STK3: variants seen among roughly 807,000 people sequenced by gnomAD.
The protein encoded by STK3 is serine/threonine kinase 3, also known as serine/threonine-protein kinase 3.
Under a neutral mutation model 58.0 loss-of-function variants are expected in STK3, and 41 were observed. The ratio of observed to expected loss-of-function variants is 0.71; its 90% CI spans 0.55 to 0.92. The LOEUF (loss-of-function observed/expected upper bound fraction) is 0.92, where lower values mean the gene tolerates loss of function less well. Ranked by LOEUF, STK3 falls within the 40% of genes least tolerant of loss-of-function variation. The pLI, the probability that STK3 is intolerant of heterozygous loss-of-function variation, is 0.00. For synonymous variants in STK3, 170 were observed against 191.0 expected, an observed-to-expected ratio of 0.89 and a Z score of 0.91; for missense variants, 479 against 602.7, an observed-to-expected ratio of 0.79 and a Z score of 2.15.
intron 1 of STK3, among the ~76,000 whole-genome samples, chr8:98,824,115 T>C (rs1037356770): frequency 3.3e-5 from 5 of 152,226 alleles, no homozygotes; most frequent in Non-Finnish European, 5.9e-5. Flanking sequence ...CATTCAAATA[T>C]CAGGGATTGC....
chr8:98,811,657 A>G (rs1834225445), intron 1 of STK3, among the ~76,000 whole-genome samples: 1 of 152,112 alleles, frequency 6.6e-6, no homozygotes, highest in Non-Finnish European at 1.5e-5. Flanking sequence ...TAGTCCTTCA[A>G]TGTAACATTA....
At position 98,744,221 on chromosome 8, in the gene STK3, T is replaced by C. The variant is rs950927950; in HGVS notation, c.351+5055A>G. ...AGAAATACCATTTGACCCAGCCATC[T>C]CATTACTGGGTATATACCCAAAGGA... is the stretch of plus-strand genomic sequence containing the variant. On this transcript the variant is annotated intron_variant, in intron 4 of 10. Coordinates refer to ENST00000419617, the MANE Select transcript of STK3 (RefSeq NM_006281.4). Among the ~76,000 whole-genome samples the C allele has an allele frequency of 8.6e-3, 1,310 of 152,218 alleles. 10 individuals are homozygous for C. Among genetic ancestry groups the C allele is most frequent in the African/African-American group, 0.03 (1,231 of 41,540 alleles).
At chr8:98,596,260 T>C in intron 6 of STK3, 91 bp from the exon 7 acceptor site, 3 of 1,417,466 alleles carry the variant, frequency 2.1e-6, no homozygotes, top group Non-Finnish European at 1.9e-6. Flanking sequence ...TATCAGACTC[T>C]AAATTTGAAA....
At chr8:98,521,481 G>T (rs1214605928) in intron 10 of STK3, among the ~76,000 whole-genome samples, 5 of 151,664 alleles carry the variant, frequency 3.3e-5, no homozygotes, top group Non-Finnish European at 1.5e-5. Context: ...CCACATAACC[G>T]ATTTCCCCTA....
chr8:98,561,001 T>G lies in STK3; in HGVS notation c.949-12840A>C, dbSNP rs932433757. ...TGAGCCGTGATTGCTGTCACTGTAC[T>G]CCAACCTGGTTAACAAAGCAAGATG... is the stretch of plus-strand genomic sequence containing the variant. On this transcript the variant is annotated intron_variant, in intron 8 of 10. Transcript: ENST00000419617. Among the ~76,000 whole-genome samples, 7 of 151,948 alleles carry G rather than the reference T, an allele frequency of 4.6e-5. No homozygotes were observed. The South Asian group carries it at 6.2e-4, about 14-fold the overall frequency.
intron 4 of STK3, among the ~76,000 whole-genome samples, chr8:98,707,658 G>T (rs1361451650): frequency 2.0e-5 from 3 of 151,930 alleles, no homozygotes; most frequent in Admixed American, 2.0e-4. Context: ...TCCTTCCTCA[G>T]CTTCCCAAAG....
At chr8:98,515,815 A>G (rs1824889852) in intron 10 of STK3, among the ~76,000 whole-genome samples, 1 of 151,420 alleles carries the variant, frequency 6.6e-6, no homozygotes, top group African/African-American at 2.4e-5. Context: ...ATTATACTTT[A>G]AGTTTTAGGG....
At position 98,609,961 on chromosome 8, in the gene STK3, C is replaced by T. The variant is rs775746679; in HGVS notation, c.685-13792G>A. Among the ~76,000 whole-genome samples, 454 of 145,890 alleles carry T rather than the reference C, an allele frequency of 3.1e-3. 2 individuals carry two copies. Among genetic ancestry groups the T allele is most frequent in the Non-Finnish European group, 4.3e-3 (287 of 66,746 alleles). ...CAGCCTGGGTGACACAGTGAGACTC[C>T]GTCTCAAAAAAAAAAAAAAAGAAAT... On this transcript the variant is annotated intron_variant, in intron 6 of 10. Coordinates refer to ENST00000419617, the MANE Select transcript of STK3 (RefSeq NM_006281.4).
intron 6 of STK3, among the ~76,000 whole-genome samples, chr8:98,617,816 A>C (rs1326025491): frequency 3.4e-4 from 52 of 152,210 alleles, no homozygotes; most frequent in East Asian, 2.5e-3. Flanking sequence ...TTGTGGCAAT[A>C]ATCAATAGTT....
intron 3 of STK3, among the ~76,000 whole-genome samples, chr8:98,851,081 A>C (rs1836451553): frequency 6.6e-6 from 1 of 151,996 alleles, no homozygotes; most frequent in South Asian, 2.1e-4. Flanking sequence ...AAACCTCCTC[A>C]CCTTTAAGCA....
chr8:98,675,605 G>C (rs1217097909), intron 6 of STK3, among the ~76,000 whole-genome samples: 1 of 152,014 alleles, frequency 6.6e-6, no homozygotes, highest in African/African-American at 2.4e-5. Context: ...GCTCATGCCT[G>C]TAATCTCAGC....
At position 98,689,896 on chromosome 8, in the gene STK3, A is replaced by G. The variant is rs183774302; in HGVS notation, c.684+16571T>C. 2.1e-4 allele frequency among the ~76,000 whole-genome samples: 32 copies of G among 152,348 alleles called. No homozygotes were observed. The East Asian group carries it at 5.6e-3, about 27-fold the overall frequency. On this transcript the variant is annotated intron_variant, in intron 6 of 10. Coordinates refer to ENST00000419617, the MANE Select transcript of STK3 (RefSeq NM_006281.4). Reference sequence around the variant, plus strand: ...GATGCAAGGATGATTCAACATATGCAAGTCAGTAAATGTGATTTACCACAT... The same window carrying G: ...GATGCAAGGATGATTCAACATATGCGAGTCAGTAAATGTGATTTACCACAT...
At chr8:98,358,709 A>G in the STK3 span, among the ~76,000 whole-genome samples, 858 of 152,130 alleles carry the variant, frequency 5.6e-3, 11 homozygotes, top group African/African-American at 0.02. Context: ...TAGGGGAATG[A>G]GGGGGGAGTG....
chr8:98,522,241 A>C (rs1187534524), intron 10 of STK3, among the ~76,000 whole-genome samples: 1 of 152,180 alleles, frequency 6.6e-6, no homozygotes, highest in Non-Finnish European at 1.5e-5. Context: ...AAAAATCTGA[A>C]AGTAGAGTAC....
At chr8:98,808,186 A>G (rs938047087) in intron 1 of STK3, among the ~76,000 whole-genome samples, 1 of 152,258 alleles carries the variant, frequency 6.6e-6, no homozygotes, top group African/African-American at 2.4e-5. Context: ...CAGCCACTGT[A>G]TTTCAATCTT....
At chr8:98,934,467 G>C (rs1258247335) in intron 1 of STK3, among the ~76,000 whole-genome samples, 1 of 152,172 alleles carries the variant, frequency 6.6e-6, no homozygotes, top group Non-Finnish European at 1.5e-5. Flanking sequence ...ACAACTAAGA[G>C]TGAACAAAAA....
chr8:98,531,466 A>G lies in STK3; in HGVS notation c.1142-4549T>C, dbSNP rs1826168697. ...AAAATATTCAGCAAACCATAGTGCA[A>G]ACAAATGTGCTGCCATCCAGGCTTC... On this transcript the variant is annotated intron_variant, in intron 9 of 10. Transcript: ENST00000419617. Among the ~76,000 whole-genome samples, 5 of 152,346 alleles carry G rather than the reference A, an allele frequency of 3.3e-5. No individual in the cohort carries two copies. The South Asian group carries it at 1.0e-3, about 32-fold the overall frequency.
chr8:98,633,509 C>G (rs1819409456), intron 6 of STK3: 2 of 657,206 alleles, frequency 3.0e-6, no homozygotes, highest in African/African-American at 3.6e-5. Flanking sequence ...GTTGGCTTTG[C>G]CAGCTCAGGA....
At chr8:98,755,881 C>G (rs2131382965) in intron 3 of STK3, among the ~76,000 whole-genome samples, 1 of 152,298 alleles carries the variant, frequency 6.6e-6, no homozygotes, top group East Asian at 1.9e-4. Flanking sequence ...GTGGCTCATG[C>G]CTGTAATCCC....
Sources: gnomAD v4.1 joint callset for allele counts (sites outside exome capture counted in the v4.1 genomes callset) on GRCh38, gnomAD v4.1.1 for gene constraint, MANE v1.5 for transcripts, NCBI Gene and HGNC (gene_info 2026-07-23, HGNC 2026-07-21) for gene names.